The following CDH13 variants were observed in gnomAD, a reference collection of about 807,000 sequenced individuals.
CDH13 encodes the protein cadherin-13.
CDH13 carries 24 observed loss-of-function variants against 63.8 expected under a neutral mutation model. That is an observed-to-expected ratio of 0.38 (90% CI 0.27 to 0.53). CDH13 has a LOEUF of 0.53. CDH13 is among the 20% of genes least tolerant of loss of function. The pLI, the probability that CDH13 is intolerant of heterozygous loss-of-function variation, is 0.85. For synonymous variants in CDH13, 503 were observed against 355.3 expected (o/e 1.42, Z -4.67); for missense variants, 1,049 against 903.1 (o/e 1.16, Z -2.07).
At chr16:83,775,862 G>C (rs1915075100) in intron 11 of CDH13, among the ~76,000 whole-genome samples, 1 of 152,154 alleles carries the variant, frequency 6.6e-6, no homozygotes, top group Non-Finnish European at 1.5e-5. Flanking sequence ...ATGGAAAGAG[G>C]AACAGAGGGG....
chr16:83,342,233 G>A (rs778636558), intron 5 of CDH13, among the ~76,000 whole-genome samples: 32 of 152,172 alleles, frequency 2.1e-4, no homozygotes, highest in African/African-American at 3.4e-4. Flanking sequence ...TGAAGCTTTC[G>A]TATTCAAACC....
intron 2 of CDH13, among the ~76,000 whole-genome samples, chr16:82,895,932 T>C (rs2041241080): frequency 6.6e-6 from 1 of 152,198 alleles, no homozygotes; most frequent in Non-Finnish European, 1.5e-5. Context: ...ACTGAGCTTG[T>C]GGCTGCCTCA....
At chr16:83,204,085 G>A (rs955584718) in intron 4 of CDH13, among the ~76,000 whole-genome samples, 1 of 152,242 alleles carries the variant, frequency 6.6e-6, no homozygotes, top group Admixed American at 6.5e-5. Flanking sequence ...TGAGATGAAT[G>A]TTCCTGGGCC....
intron 7 of CDH13, among the ~76,000 whole-genome samples, chr16:83,564,398 C>G (rs59627949): frequency 0.29 from 7,851 of 27,180 alleles, 297 homozygotes; most frequent in South Asian, 0.45. Context: ...TGGGATGACT[C>G]TTTTTTTTTT....
intron 13 of CDH13, among the ~76,000 whole-genome samples, chr16:83,784,121 A>G (rs1915718232): frequency 6.6e-6 from 1 of 152,236 alleles, no homozygotes; most frequent in African/African-American, 2.4e-5. Flanking sequence ...ATTCATATAT[A>G]ACTGTTACCA....
At chr16:83,724,480 G>C (rs1598590655) in intron 10 of CDH13, among the ~76,000 whole-genome samples, 1 of 151,914 alleles carries the variant, frequency 6.6e-6, no homozygotes, top group Non-Finnish European at 1.5e-5. Context: ...GCATGGATGA[G>C]TGTGGAATGC....
intron 6 of CDH13, among the ~76,000 whole-genome samples, chr16:83,450,585 A>G (rs532872710): frequency 3.9e-5 from 6 of 152,322 alleles, no homozygotes; most frequent in Non-Finnish European, 5.9e-5. Context: ...AATTTGATAA[A>G]GAGGGCCAGG....
chr16:83,304,870 C>G (rs1391342010), intron 5 of CDH13, among the ~76,000 whole-genome samples: 2 of 152,150 alleles, frequency 1.3e-5, no homozygotes, highest in Non-Finnish European at 2.9e-5. Flanking sequence ...CTCTCTGTCT[C>G]TCTCCCGTAT....
intron 3 of CDH13, among the ~76,000 whole-genome samples, chr16:83,061,991 A>G (rs1006729847): frequency 1.3e-5 from 2 of 152,192 alleles, no homozygotes; most frequent in Non-Finnish European, 2.9e-5. Flanking sequence ...GGGCAGGGTG[A>G]CAATTTATGG....
chr16:83,270,902 C>G (rs941690421), intron 5 of CDH13, among the ~76,000 whole-genome samples: 1 of 148,236 alleles, frequency 6.7e-6, no homozygotes, highest in Admixed American at 6.7e-5. Flanking sequence ...CTTCCTCCCT[C>G]CTTTCCTTCC....
At chr16:83,174,719 T>C (rs1221442982) in intron 4 of CDH13, among the ~76,000 whole-genome samples, 2 of 152,114 alleles carry the variant, frequency 1.3e-5, no homozygotes, top group Non-Finnish European at 2.9e-5. Context: ...TTAGGTAATA[T>C]ATAAAGAAAA....
chr16:83,605,483 T>C (rs542178004), intron 8 of CDH13, among the ~76,000 whole-genome samples: 3 of 152,162 alleles, frequency 2.0e-5, no homozygotes, highest in Non-Finnish European at 4.4e-5. Flanking sequence ...TGACCAGCCA[T>C]GTGGTGGGAG....
At chr16:83,793,812 T>TA (rs201145847) in intron 13 of CDH13, among the ~76,000 whole-genome samples, 171 of 142,284 alleles carry the variant, frequency 1.2e-3, no homozygotes, top group Admixed American at 1.4e-3. Context: ...ACTCTGTCTC[T>TA]AAAAAAAAAA....
chr16:83,035,962 C>G (rs1219304355), intron 3 of CDH13, among the ~76,000 whole-genome samples: 1 of 152,126 alleles, frequency 6.6e-6, no homozygotes, highest in African/African-American at 2.4e-5. Flanking sequence ...TCAAGTCTTT[C>G]ATCCTCACAA....
chr16:83,758,037 A>AG (rs1405530612), intron 11 of CDH13, among the ~76,000 whole-genome samples: 5 of 152,036 alleles, frequency 3.3e-5, no homozygotes, highest in Non-Finnish European at 7.4e-5. Context: ...CCCAAAAAAA[A>AG]AGAAAGAAAA....
chr16:83,230,653 G>T (rs1442617738), intron 5 of CDH13, among the ~76,000 whole-genome samples: 1 of 152,162 alleles, frequency 6.6e-6, no homozygotes, highest in Non-Finnish European at 1.5e-5. Flanking sequence ...TGGGCGTGGT[G>T]GCAAGCGCCT....
At chr16:83,765,774 C>G (rs906674285) in intron 11 of CDH13, among the ~76,000 whole-genome samples, 2 of 135,326 alleles carry the variant, frequency 1.5e-5, no homozygotes, top group East Asian at 4.2e-4. Flanking sequence ...GGTTCACTTA[C>G]AGCTTTCTTT....
chr16:82,931,612 A>G (rs1021964771), intron 2 of CDH13, among the ~76,000 whole-genome samples: 2 of 151,298 alleles, frequency 1.3e-5, no homozygotes, highest in African/African-American at 4.9e-5. Flanking sequence ...TGGGTAATTT[A>G]TAAAGAAAAA....
rs186329336 is a variant in CDH13 at position 83,783,464 on chromosome 16, G to C, written c.2126G>C (p.Ser709Thr). The C allele has an allele frequency of 1.6e-4, 262 of 1,613,404 alleles. 2 individuals carry two copies. The African/African-American group carries it at 3.2e-3, about 20-fold the overall frequency. ...TCAGTCCTGCTCCTCAGCCTCTTCA[G>C]CTTAGCTTGTAAGTTGACCTAACTC... ...LPSVLLLSLF[S>T]LACL Residue 709 changes from serine (S) to threonine (T), a missense_variant, in exon 13 of 14, where the codon AGC (serine) becomes ACC (threonine). Transcript: ENST00000567109.
Sources: allele counts gnomAD v4.1 joint callset (sites outside exome capture counted in the v4.1 genomes callset), GRCh38; gene constraint gnomAD v4.1.1; transcripts MANE v1.5; gene names NCBI Gene and HGNC (gene_info 2026-07-23, HGNC 2026-07-21).